Variants in ARB2A observed in about 807,000 individuals in gnomAD.
The protein encoded by ARB2A is ARB2 cotranscriptional regulator A.
chr5:93,773,758 G>C, the ARB2A span, among the ~76,000 whole-genome samples: 1 of 152,070 alleles, frequency 6.6e-6, no homozygotes, highest in Non-Finnish European at 1.5e-5. Context: ...ATTACCATAT[G>C]TTATGGTAAT....
the ARB2A span, among the ~76,000 whole-genome samples, chr5:94,034,672 G>C: frequency 6.6e-6 from 1 of 152,130 alleles, no homozygotes; most frequent in Non-Finnish European, 1.5e-5. Context: ...CTTTCTAGTT[G>C]GTTCTTCTGT....
At chr5:93,730,818 C>T in the ARB2A span, among the ~76,000 whole-genome samples, 1 of 152,178 alleles carries the variant, frequency 6.6e-6, no homozygotes, top group African/African-American at 2.4e-5. Flanking sequence ...CTAAGTGAGA[C>T]TCTCATTTTA....
At chr5:93,993,493 T>C in the ARB2A span, among the ~76,000 whole-genome samples, 2 of 152,296 alleles carry the variant, frequency 1.3e-5, no homozygotes, top group East Asian at 1.9e-4. Flanking sequence ...TCTTTTGCAC[T>C]GTAGACTCAA....
chr5:93,634,361 T>C, the ARB2A span, among the ~76,000 whole-genome samples: 7 of 150,848 alleles, frequency 4.6e-5, no homozygotes, highest in South Asian at 1.5e-3. Flanking sequence ...GATCGCGCCA[T>C]GGCACTCCAG....
chr5:93,793,946 A>G, the ARB2A span, among the ~76,000 whole-genome samples: 11 of 152,226 alleles, frequency 7.2e-5, no homozygotes, highest in African/African-American at 2.2e-4. Flanking sequence ...CTGTTCTTTG[A>G]GTATGGGCAC....
the ARB2A span, chr5:93,862,732 T>A: frequency 6.6e-6 from 1 of 152,008 alleles, no homozygotes; most frequent in Non-Finnish European, 1.5e-5. Context: ...GACATTAAGG[T>A]TAGGTATTAG....
chr5:93,920,744 A>T, the ARB2A span, among the ~76,000 whole-genome samples: 1 of 152,184 alleles, frequency 6.6e-6, no homozygotes, highest in Non-Finnish European at 1.5e-5. Context: ...ATGCAGTATA[A>T]AATCGTAACT....
chr5:93,686,060 T>C, the ARB2A span, among the ~76,000 whole-genome samples: 7 of 152,384 alleles, frequency 4.6e-5, no homozygotes, highest in African/African-American at 1.7e-4. Flanking sequence ...TATTAGCTGC[T>C]ATCACATATT....
At chr5:93,684,967 T>C in the ARB2A span, among the ~76,000 whole-genome samples, 1 of 152,236 alleles carries the variant, frequency 6.6e-6, no homozygotes, top group Non-Finnish European at 1.5e-5. Context: ...TCATTGCTTT[T>C]ACACCTTCTA....
At chr5:94,032,236 G>A in the ARB2A span, among the ~76,000 whole-genome samples, 15 of 152,088 alleles carry the variant, frequency 9.9e-5, no homozygotes, top group Non-Finnish European at 1.9e-4. Flanking sequence ...AGATTTAATT[G>A]GCTCATGGTT....
chr5:93,657,540 A>G, the ARB2A span, among the ~76,000 whole-genome samples: 1 of 152,208 alleles, frequency 6.6e-6, no homozygotes, highest in Non-Finnish European at 1.5e-5. Flanking sequence ...TGAAGAATAC[A>G]GGTTATGCCA....
the ARB2A span, among the ~76,000 whole-genome samples, chr5:93,808,325 T>C: frequency 6.6e-6 from 1 of 151,806 alleles, no homozygotes; most frequent in Non-Finnish European, 1.5e-5. Context: ...TTAAATTTCT[T>C]GGCATAGCTG....
chr5:94,039,387 A>G, the ARB2A span, among the ~76,000 whole-genome samples: 4 of 152,202 alleles, frequency 2.6e-5, no homozygotes, highest in Non-Finnish European at 5.9e-5. Context: ...GCCAAAACCC[A>G]GTAAAACCAA....
chr5:94,005,117 A>G, the ARB2A span, among the ~76,000 whole-genome samples: 5 of 151,960 alleles, frequency 3.3e-5, no homozygotes, highest in African/African-American at 1.2e-4. Context: ...AAAATTGAAA[A>G]AAATAGGCAG....
chr5:93,910,310 A>G, the ARB2A span, among the ~76,000 whole-genome samples: 1 of 151,094 alleles, frequency 6.6e-6, no homozygotes, highest in African/African-American at 2.4e-5. Context: ...GCCTTGAAAA[A>G]CACATCTGAT....
chr5:94,106,870 G>GAAAAAAA, the ARB2A span, among the ~76,000 whole-genome samples: 1,743 of 56,306 alleles, frequency 0.031, 1 homozygote, highest in Non-Finnish European at 0.038. Flanking sequence ...AATCAATGCA[G>GAAAAAAA]AAAAAAAAAA....
chr5:93,814,966 T>C, the ARB2A span, among the ~76,000 whole-genome samples: 1 of 151,668 alleles, frequency 6.6e-6, no homozygotes, highest in Non-Finnish European at 1.5e-5. Context: ...GCCTCCCGAA[T>C]AGCTGGGACT....
chr5:93,792,864 T>TA, the ARB2A span, among the ~76,000 whole-genome samples: 6 of 151,564 alleles, frequency 4.0e-5, no homozygotes, highest in African/African-American at 9.7e-5. Context: ...AATAAAAAAA[T>TA]AAAAAAAAGA....
the ARB2A span, among the ~76,000 whole-genome samples, chr5:93,694,614 CA>C: frequency 1.3e-5 from 2 of 152,118 alleles, no homozygotes; most frequent in African/African-American, 4.8e-5. Context: ...TGATACTGCC[CA>C]AAGTAATTTA....
Sources: allele counts gnomAD v4.1 joint callset (sites outside exome capture counted in the v4.1 genomes callset), GRCh38; gene constraint gnomAD v4.1.1; transcripts MANE v1.5; gene names NCBI Gene and HGNC (gene_info 2026-07-23, HGNC 2026-07-21).